ZNF37A: variants seen among roughly 807,000 people sequenced by gnomAD.
The protein encoded by ZNF37A is zinc finger protein 37a (KOX 21).
A neutral mutation model predicts 12.3 loss-of-function variants in ZNF37A; 10 were observed. That is an observed-to-expected ratio of 0.82 (90% CI 0.50 to 1.38). The LOEUF (loss-of-function observed/expected upper bound fraction) is 1.38. ZNF37A is among the 40% of genes most tolerant of loss of function. ZNF37A has a pLI of 0.00. For missense variants in ZNF37A, 580 were observed against 651.2 expected (o/e 0.89, Z 1.19); for synonymous variants, 207 against 223.0 (o/e 0.93, Z 0.64).
chr10:38,111,291 C>T (rs1418407017), intron 5 of ZNF37A, among the ~76,000 whole-genome samples: 1 of 151,754 alleles, frequency 6.6e-6, no homozygotes, highest in Non-Finnish European at 1.5e-5. Flanking sequence ...AATGAGAACA[C>T]ATGAACACAG....
chr10:38,115,386 G>C (rs1362325928), intron 7 of ZNF37A, 96 bp downstream of exon 7: 4 of 1,488,078 alleles, frequency 2.7e-6, no homozygotes, highest in Admixed American at 2.3e-5. Flanking sequence ...TAGGAATCAT[G>C]TTTTAGAGGC....
rs1487394036 is a variant in ZNF37A at position 38,121,492 on chromosome 10, C to T, written c.*2655C>T. On this transcript the variant is annotated 3_prime_UTR_variant, in exon 8 of 8. Coordinates refer to ENST00000685332, the MANE Select transcript of ZNF37A (RefSeq NM_001324250.3). ...CCTCGTGGGATGAGAGGAGTTGTGG[C>T]TTTGTGTCTGCTGGCACCAAGAGGG... The T allele has an allele frequency of 6.6e-6, 1 of 152,346 alleles. No individual in the cohort carries two copies. The highest frequency in any genetic ancestry group is 2.4e-5 in the African/African-American group (1 of 41,388). 9.4% of individuals were successfully genotyped at this position (152,346 alleles called of 1,614,324 possible). A position where few individuals can be genotyped will look rare whatever the true frequency, so the allele number is the denominator to read the frequency against.
rs1392279336 is a variant in ZNF37A, at chr10:38,123,517, A to G, written c.*4680A>G. The G allele has an allele frequency of 6.6e-6, 1 of 152,122 alleles. No homozygotes were observed. Among genetic ancestry groups the G allele is most frequent in the African/African-American group, 2.4e-5 (1 of 41,408 alleles). 9.4% of individuals were successfully genotyped at this position (152,122 alleles called of 1,614,324 possible). ...TCCCTTGATCAAAACACCTTCCACCAAGACCCACCTTTAACGCTGAGCATT... is the reference window on the plus strand; with the variant it reads ...TCCCTTGATCAAAACACCTTCCACCGAGACCCACCTTTAACGCTGAGCATT... On this transcript the variant is annotated 3_prime_UTR_variant, in exon 8 of 8. Coordinates refer to ENST00000685332, the MANE Select transcript of ZNF37A (RefSeq NM_001324250.3).
At chr10:38,125,452 G>C (rs1176110476), downstream of ZNF37A, 1 of 152,152 alleles carries the variant, frequency 6.6e-6, no homozygotes, top group Non-Finnish European at 1.5e-5. Flanking sequence ...TAAATGTCCT[G>C]TGTTTAATTT....
At chr10:38,126,243 A>G (rs1309539881), downstream of ZNF37A, among the ~76,000 whole-genome samples, 2 of 152,234 alleles carry the variant, frequency 1.3e-5, no homozygotes, top group African/African-American at 2.4e-5. Flanking sequence ...GAAACTTTAC[A>G]GAGAACCACA....
chr10:38,112,132 C>CAA (rs376784448), intron 5 of ZNF37A, among the ~76,000 whole-genome samples: 6,028 of 117,730 alleles, frequency 0.051, 175 homozygotes, highest in Non-Finnish European at 0.072. Flanking sequence ...CAACAACCAC[C>CAA]AAAAAAAAAA....
downstream of ZNF37A, among the ~76,000 whole-genome samples, chr10:38,129,886 C>T (rs2069996291): frequency 6.6e-6 from 1 of 152,174 alleles, no homozygotes. Flanking sequence ...TGGTAAAATA[C>T]ACATAAACAA....
rs71007695 is a variant in ZNF37A, at chr10:38,097,583, CAAAAAAAAAAAA to C, written c.15+971_15+982del. Among the ~76,000 whole-genome samples, 176 of 61,942 alleles carry C rather than the reference CAAAAAAAAAAAA, an allele frequency of 2.8e-3. 1 individual carries two copies. Among genetic ancestry groups the C allele is most frequent in the African/African-American group, 7.4e-3 (159 of 21,442 alleles). The allele number at this position is 61,942 out of a possible 152,430, so 40.6% of individuals were successfully genotyped here. A position where few individuals can be genotyped will look rare whatever the true frequency, so the allele number is the denominator to read the frequency against. On this transcript the variant is annotated intron_variant, in intron 5 of 7. Transcript: ENST00000685332. ...TGGGTGACAGAGTGAGACTCTGTCT[CAAAAAAAAAAAA>C]AAAAAAAAAAAAAAAAAAATCACAT...
chr10:38,124,662 A>G (rs1287623368), downstream of ZNF37A: 2 of 152,344 alleles, frequency 1.3e-5, no homozygotes, highest in South Asian at 2.1e-4. Flanking sequence ...AAATGTTTCT[A>G]TAAATTTAAT....
intron 7 of ZNF37A, chr10:38,116,967 A>G (rs891912628): frequency 1.9e-5 from 3 of 157,006 alleles, no homozygotes; most frequent in Non-Finnish European, 4.1e-5. Context: ...AAACTAGCCA[A>G]GCATGGTTGC....
At chr10:38,145,164 C>G (rs964925632) in intron 7 of ZNF37A, among the ~76,000 whole-genome samples, 1 of 151,972 alleles carries the variant, frequency 6.6e-6, no homozygotes, top group Non-Finnish European at 1.5e-5. Flanking sequence ...TTGATTTTCA[C>G]ACGCTCCCCA....
At chr10:38,117,104 G>A in intron 7 of ZNF37A, 7 of 889,882 alleles carry the variant, frequency 7.9e-6, no homozygotes, top group Non-Finnish European at 9.4e-6. Flanking sequence ...GCAAGACTCT[G>A]TCTCAAAAAC....
At chr10:38,113,417 T>C (rs780681351) in intron 5 of ZNF37A, among the ~76,000 whole-genome samples, 9 of 152,054 alleles carry the variant, frequency 5.9e-5, no homozygotes, top group Non-Finnish European at 1.3e-4. Context: ...TTTACCATGT[T>C]GGCCAGGCTG....
Position 38,122,538 on chromosome 10 carries a change from G to A in ZNF37A, c.*3701G>A, listed in dbSNP as rs1040389994. The A allele has an allele frequency of 6.6e-6, 1 of 152,130 alleles. No homozygotes were observed. Among genetic ancestry groups the A allele is most frequent in the African/African-American group, 2.4e-5 (1 of 41,416 alleles). The allele number at this position is 152,130 out of a possible 1,614,324, so 9.4% of individuals were successfully genotyped here. ...CCAGAAACAAATTCATACATCTATG[G>A]TGACCACTTTTGACAAAGGAATGAA... On this transcript the variant is annotated 3_prime_UTR_variant, in exon 8 of 8. Transcript: ENST00000685332.
intron 7 of ZNF37A, among the ~76,000 whole-genome samples, chr10:38,116,559 C>T (rs2069285474): frequency 2.0e-5 from 3 of 152,052 alleles, no homozygotes. Flanking sequence ...TCACTCTAGA[C>T]TTGTAAAAGA....
Position 38,120,141 on chromosome 10 carries a change from CA to C in ZNF37A, c.*1307del, listed in dbSNP as rs1209607743. On this transcript the variant is annotated 3_prime_UTR_variant, in exon 8 of 8. Coordinates refer to ENST00000685332, the MANE Select transcript of ZNF37A (RefSeq NM_001324250.3). ...TTAAATATGGAGCTTTCAAAAAGCA[CA>C]AATAGGCTGGACATGGTGGCTCATG... is the stretch of plus-strand genomic sequence containing the variant. The C allele has an allele frequency of 6.6e-6, 1 of 152,078 alleles. No individual in the cohort carries two copies. Among genetic ancestry groups the C allele is most frequent in the Non-Finnish European group, 1.5e-5 (1 of 68,008 alleles). 9.4% of individuals were successfully genotyped at this position (152,078 alleles called of 1,614,324 possible). A position where few individuals can be genotyped will look rare whatever the true frequency, so the allele number is the denominator to read the frequency against.
At chr10:38,103,165 T>G (rs2067734372) in intron 5 of ZNF37A, among the ~76,000 whole-genome samples, 1 of 152,194 alleles carries the variant, frequency 6.6e-6, no homozygotes, top group Admixed American at 6.5e-5. Flanking sequence ...ACTCTTGTTA[T>G]TAACTTGTGG....
intron 5 of ZNF37A, among the ~76,000 whole-genome samples, chr10:38,111,980 G>A (rs1442012497): frequency 6.8e-6 from 1 of 148,138 alleles, no homozygotes; most frequent in Non-Finnish European, 1.5e-5. Flanking sequence ...GCGCGATCTC[G>A]GCCCACTGCA....
chr10:38,133,114 T>C (rs2070055604), intron 7 of ZNF37A, among the ~76,000 whole-genome samples: 1 of 152,198 alleles, frequency 6.6e-6, no homozygotes, highest in Non-Finnish European at 1.5e-5. Context: ...GCATGTAATA[T>C]ATTTTACTAT....
Sources: allele counts gnomAD v4.1 joint callset (sites outside exome capture counted in the v4.1 genomes callset), GRCh38; gene constraint gnomAD v4.1.1; transcripts MANE v1.5; gene names NCBI Gene and HGNC (gene_info 2026-07-23, HGNC 2026-07-21).